The following OR4F15 variants were observed in gnomAD, a reference collection of about 807,000 sequenced individuals.
OR4F15 encodes olfactory receptor 4F15.
A neutral mutation model predicts 11.9 loss-of-function variants in OR4F15; 7 were observed. The observed-to-expected ratio is 0.59, with a 90% CI of 0.33 to 1.10. The LOEUF (loss-of-function observed/expected upper bound fraction) is 1.10, where lower values mean the gene tolerates loss of function less well. OR4F15 is among the 50% of genes least tolerant of loss of function. OR4F15 has a pLI of 0.03. For synonymous variants in OR4F15, 151 were observed against 134.6 expected, an observed-to-expected ratio of 1.12 and a Z score of -0.84; for missense variants, 445 against 377.5, an observed-to-expected ratio of 1.18 and a Z score of -1.48.
intron 1 of OR4F15, among the ~76,000 whole-genome samples, chr15:101,814,177 A>T (rs1021199122): frequency 6.6e-6 from 1 of 152,194 alleles, no homozygotes; most frequent in African/African-American, 2.4e-5. Context: ...ATTGTGAAGT[A>T]GGTAAATTTT....
rs1903059215 is a variant in OR4F15, at chr15:101,819,149, A to G, written c.*24A>G. 1 of 1,473,692 alleles carries G rather than the reference A, an allele frequency of 6.8e-7. No individual in the cohort carries two copies. The highest frequency in any genetic ancestry group is 2.0e-5 in the Admixed American group (1 of 51,178). The allele number at this position is 1,473,692 out of a possible 1,614,324, so 91.3% of individuals were successfully genotyped here. On this transcript the variant is annotated 3_prime_UTR_variant, in exon 2 of 2. Coordinates refer to ENST00000332238, the MANE Select transcript of OR4F15 (RefSeq NM_001001674.2). ...AAATGGCTTGGCTGTCAAGATGTGT[A>G]ACTATGGATTACTCCTCATGCTGAT...
At chr15:101,815,490 A>G (rs1308938838) in intron 1 of OR4F15, among the ~76,000 whole-genome samples, 1 of 152,186 alleles carries the variant, frequency 6.6e-6, no homozygotes, top group Non-Finnish European at 1.5e-5. Context: ...AATAGAAGTT[A>G]TAGTGGTAAG....
In OR4F15 at chr15:101,818,764, A is replaced by G; in HGVS notation, c.578A>G (p.Gln193Arg). 1 of 1,614,094 alleles carries G rather than the reference A, an allele frequency of 6.2e-7. No individual in the cohort carries two copies. The highest frequency in any genetic ancestry group is 8.5e-7 in the Non-Finnish European group (1 of 1,179,990). ...CTCAGACTTGCCTGTACCAACACCC[A>G]AGAACTGGAGTTCATGGTCACTGTC... ...RLLRLACTNT[Q>R]ELEFMVTVNS... The change falls in exon 2 of 2, where the codon CAA becomes CGA. Residue 193 changes from glutamine (Q) to arginine (R), a missense_variant. Physicochemically the swap from Gln to Arg is conservative, Grantham distance 43 (BLOSUM62 1). Coordinates refer to ENST00000332238, the MANE Select transcript of OR4F15 (RefSeq NM_001001674.2).
chr15:101,816,813 T>G (rs1348709943), intron 1 of OR4F15, among the ~76,000 whole-genome samples: 1 of 152,172 alleles, frequency 6.6e-6, no homozygotes, highest in Non-Finnish European at 1.5e-5. Flanking sequence ...CACCTCCCCA[T>G]GCTGGGACCT....
intron 1 of OR4F15, among the ~76,000 whole-genome samples, chr15:101,815,251 T>C (rs1352594179): frequency 6.6e-6 from 1 of 152,194 alleles, no homozygotes; most frequent in African/African-American, 2.4e-5. Flanking sequence ...TTATATCATC[T>C]CTAAGGTTTA....
chr15:101,817,015 G>C (rs950102592), intron 1 of OR4F15, among the ~76,000 whole-genome samples: 2 of 151,978 alleles, frequency 1.3e-5, no homozygotes, highest in Non-Finnish European at 2.9e-5. Flanking sequence ...TTATCTTATG[G>C]TATCCTCTAG....
chr15:101,816,487 CGTGTGT>C (rs35269954), intron 1 of OR4F15, among the ~76,000 whole-genome samples: 2 of 148,834 alleles, frequency 1.3e-5, no homozygotes, highest in South Asian at 2.1e-4. Flanking sequence ...AAGAATATAA[CGTGTGT>C]GTGTGTGTGT....
intron 1 of OR4F15, among the ~76,000 whole-genome samples, chr15:101,814,900 T>C (rs1902963950): frequency 6.6e-6 from 1 of 152,172 alleles, no homozygotes; most frequent in African/African-American, 2.4e-5. Context: ...TCTTTTGTTA[T>C]TCTGAGTTGT....
chr15:101,818,295 G>A lies in OR4F15; in HGVS notation c.109G>A (p.Ala37Thr), dbSNP rs747779174. Reference sequence around the variant, plus strand: ...TGTTTTCTCTTTGTTGTTCTACTTTGCGAGCATGATGGGAAACCTTGTCAT... The same window carrying A: ...TGTTTTCTCTTTGTTGTTCTACTTTACGAGCATGATGGGAAACCTTGTCAT... ...LFVFSLLFYF[A>T]SMMGNLVIVF... is the part of the protein sequence containing the mutation. The change falls in exon 2 of 2, where the codon GCG becomes ACG. Residue 37 changes from alanine (A) to threonine (T), a missense_variant. By Grantham distance (58) the Ala-to-Thr change is moderately conservative. Transcript: ENST00000332238. The A allele has an allele frequency of 1.2e-6, 2 of 1,614,002 alleles. No homozygotes were observed. Among genetic ancestry groups the A allele is most frequent in the South Asian group, 2.2e-5 (2 of 91,072 alleles).
In OR4F15 at chr15:101,816,085, G is replaced by A. The variant is rs140360574; in HGVS notation, c.-37-2065G>A. On this transcript the variant is annotated intron_variant, in intron 1 of 1. Coordinates refer to ENST00000332238, the MANE Select transcript of OR4F15 (RefSeq NM_001001674.2). ...CACCTGTTCACAGTAAGAAAGCTGT[G>A]CTGTATAGAATAATGGCCTTCAAAA... 2.8e-3 allele frequency among the ~76,000 whole-genome samples: 423 copies of A among 152,182 alleles called. 1 individual carries two copies. Among genetic ancestry groups the A allele is most frequent in the African/African-American group, 9.6e-3 (397 of 41,560 alleles).
chr15:101,815,544 T>C (rs888163661), intron 1 of OR4F15, among the ~76,000 whole-genome samples: 5 of 152,136 alleles, frequency 3.3e-5, no homozygotes, highest in African/African-American at 9.7e-5. Context: ...CTCCTGAAAG[T>C]AGAAATTAGA....
At chr15:101,813,132 A>G (rs948347781) in intron 1 of OR4F15, among the ~76,000 whole-genome samples, 1 of 152,200 alleles carries the variant, frequency 6.6e-6, no homozygotes, top group Non-Finnish European at 1.5e-5. Context: ...TCCACAGGGG[A>G]TGAATTAAGT....
intron 1 of OR4F15, among the ~76,000 whole-genome samples, chr15:101,816,312 G>A (rs1041888765): frequency 2.0e-5 from 3 of 152,120 alleles, no homozygotes; most frequent in African/African-American, 4.8e-5. Context: ...GCCAAGCAAG[G>A]GATGGAGGCA....
Position 101,814,944 on chromosome 15 carries a change from A to C in OR4F15, c.-38+2672A>C, listed in dbSNP as rs539660214. Reference sequence around the variant, plus strand: ...GCTATTCAAATTTCAGTTTGGAGGAAGCACCACATATATTTCTACTTCACA... The same window carrying C: ...GCTATTCAAATTTCAGTTTGGAGGACGCACCACATATATTTCTACTTCACA... On this transcript the variant is annotated intron_variant, in intron 1 of 1. Transcript: ENST00000332238. Among the ~76,000 whole-genome samples, 11 of 152,284 alleles carry C rather than the reference A, an allele frequency of 7.2e-5. No individual in the cohort carries two copies. In the East Asian group the frequency reaches 2.1e-3, roughly 29 times the overall value.
At chr15:101,815,899 A>C (rs186626661) in intron 1 of OR4F15, among the ~76,000 whole-genome samples, 1 of 152,316 alleles carries the variant, frequency 6.6e-6, no homozygotes, top group Non-Finnish European at 1.5e-5. Flanking sequence ...TTGGTCCTAC[A>C]TGTAACTGGA....
chr15:101,816,594 G>A (rs921616443), intron 1 of OR4F15, among the ~76,000 whole-genome samples: 4 of 152,010 alleles, frequency 2.6e-5, no homozygotes, highest in African/African-American at 9.7e-5. Flanking sequence ...AACTTTGAAT[G>A]GGAGTAAAAA....
chr15:101,818,019 G>A (rs2141621501), intron 1 of OR4F15, 131 bp from the exon 2 acceptor site: 1 of 589,916 alleles, frequency 1.7e-6, no homozygotes, highest in South Asian at 2.3e-5. Context: ...GGAAGTCCAG[G>A]GTGCATGTGA....
At chr15:101,815,239 C>T (rs1279913683) in intron 1 of OR4F15, among the ~76,000 whole-genome samples, 1 of 152,066 alleles carries the variant, frequency 6.6e-6, no homozygotes, top group Admixed American at 6.6e-5. Flanking sequence ...ATATTTTCAC[C>T]TTTATATCAT....
chr15:101,818,103 T>C (rs1903022239), intron 1 of OR4F15, 47 bp from the exon 2 acceptor site: 2 of 894,904 alleles, frequency 2.2e-6, no homozygotes, highest in East Asian at 2.4e-5. Flanking sequence ...TTCTTGAACA[T>C]GAATACTTGC....
Sources: allele counts gnomAD v4.1 joint callset (sites outside exome capture counted in the v4.1 genomes callset), GRCh38; gene constraint gnomAD v4.1.1; transcripts MANE v1.5; gene names NCBI Gene and HGNC (gene_info 2026-07-23, HGNC 2026-07-21).